ZDHHC7: variants seen among roughly 807,000 people sequenced by gnomAD.
The protein encoded by ZDHHC7 is zDHHC palmitoyltransferase 7.
ZDHHC7 carries 12 observed loss-of-function variants against 34.1 expected under a neutral mutation model. The observed-to-expected ratio is 0.35, with a 90% CI of 0.23 to 0.57. The LOEUF (loss-of-function observed/expected upper bound fraction) is 0.57, where lower values mean the gene tolerates loss of function less well. ZDHHC7 is among the 20% of genes least tolerant of loss of function. The pLI is 0.84. For missense variants in ZDHHC7, 388 were observed against 402.7 expected (o/e 0.96, Z 0.31); for synonymous variants, 185 against 155.4 (o/e 1.19, Z -1.42).
chr16:85,007,277 G>A lies in ZDHHC7; in HGVS notation c.-104+4009C>T, dbSNP rs137966003. Among the ~76,000 whole-genome samples the A allele has an allele frequency of 1.3e-3, 201 of 151,840 alleles. 2 individuals are homozygous for A. The highest frequency in any genetic ancestry group is 2.2e-3 in the Non-Finnish European group (150 of 68,002). ...CGTCTCTACAAAAATACAAAAATTA[G>A]CCGGGCATGATGGTGGGTGCCTGTA... is the stretch of plus-strand genomic sequence containing the variant. On this transcript the variant is annotated intron_variant, in intron 1 of 7. Transcript: ENST00000313732.
Position 84,978,579 on chromosome 16 carries a change from A to G in ZDHHC7, c.538-574T>C, listed in dbSNP as rs183003979. Among the ~76,000 whole-genome samples, 258 of 152,164 alleles carry G rather than the reference A, an allele frequency of 1.7e-3. 4 individuals carry two copies. Among genetic ancestry groups the G allele is most frequent in the Admixed American group, 0.016 (250 of 15,266 alleles). ...CAAAACCCCGTCTATAAAAAAATAA[A>G]CGGCCGGGCACGGTGGCTCACGACT... is the stretch of plus-strand genomic sequence containing the variant. On this transcript the variant is annotated intron_variant, in intron 5 of 7. Coordinates refer to ENST00000313732, the MANE Select transcript of ZDHHC7 (RefSeq NM_017740.3).
At chr16:85,023,914 C>T in the ZDHHC7 span, among the ~76,000 whole-genome samples, 1 of 151,818 alleles carries the variant, frequency 6.6e-6, no homozygotes, top group Non-Finnish European at 1.5e-5. Flanking sequence ...TCACACCCAA[C>T]CTATTCAAAG....
the ZDHHC7 span, among the ~76,000 whole-genome samples, chr16:85,023,436 A>C: frequency 2.0e-5 from 3 of 152,016 alleles, no homozygotes; most frequent in African/African-American, 4.8e-5. Flanking sequence ...AAGTGCTGGG[A>C]TTACAGGCAT....
At chr16:85,012,622 G>A (rs186144146), upstream of ZDHHC7, among the ~76,000 whole-genome samples, 542 of 152,098 alleles carry the variant, frequency 3.6e-3, 12 homozygotes, top group Admixed American at 0.027. Flanking sequence ...ACCAGAATAA[G>A]GCCAGGTGTG....
rs142763634 is a variant in ZDHHC7 at position 85,002,681 on chromosome 16, C to G, written c.-103-6674G>C. ...GACATTAAGGAAAAGCTGAGGAAATCTGAATCAAGTGTGAATTTTATCGAT... is the reference window on the plus strand; with the variant it reads ...GACATTAAGGAAAAGCTGAGGAAATGTGAATCAAGTGTGAATTTTATCGAT... On this transcript the variant is annotated intron_variant, in intron 1 of 7. Transcript: ENST00000313732. 9.9e-5 allele frequency among the ~76,000 whole-genome samples: 15 copies of G among 152,092 alleles called. No individual in the cohort carries two copies. In the East Asian group the frequency reaches 1.2e-3, roughly 12 times the overall value.
chr16:84,996,666 A>G (rs11645646), intron 1 of ZDHHC7, among the ~76,000 whole-genome samples: 70,484 of 151,900 alleles, frequency 0.46, 20,035 homozygotes, highest in African/African-American at 0.81. Flanking sequence ...TCCCTAAGTC[A>G]GGGGCCACAG....
the ZDHHC7 span, among the ~76,000 whole-genome samples, chr16:85,019,035 G>C: frequency 6.6e-6 from 1 of 152,192 alleles, no homozygotes; most frequent in Non-Finnish European, 1.5e-5. Context: ...ATTGGAGGTA[G>C]GGTGCTTGGC....
At chr16:85,022,000 CA>C in the ZDHHC7 span, among the ~76,000 whole-genome samples, 6 of 143,492 alleles carry the variant, frequency 4.2e-5, no homozygotes, top group Non-Finnish European at 6.1e-5. Context: ...ACTAAAAATA[CA>C]AAAAAAAAAT....
At chr16:84,989,136 G>C (rs1278878156) in intron 3 of ZDHHC7, among the ~76,000 whole-genome samples, 1 of 152,214 alleles carries the variant, frequency 6.6e-6, no homozygotes, top group East Asian at 1.9e-4. Context: ...TATGGTCAAA[G>C]ACTCCACCAT....
chr16:84,992,766 AATGTTCT>A lies in ZDHHC7; in HGVS notation c.-17-2138_-17-2132del, dbSNP rs1299368546. ...AATGTGAATAAAGGAGTGTAGTAAG[AATGTTCT>A]CAGAGGTCAGGTCACTACAACTGAG... On this transcript the variant is annotated intron_variant, in intron 2 of 7. Transcript: ENST00000313732. Among the ~76,000 whole-genome samples the A allele has an allele frequency of 2.6e-5, 4 of 152,274 alleles. No homozygotes were observed. In the East Asian group the frequency reaches 7.7e-4, roughly 29 times the overall value.
At chr16:85,015,070 C>T (rs993388674), upstream of ZDHHC7, among the ~76,000 whole-genome samples, 1 of 151,476 alleles carries the variant, frequency 6.6e-6, no homozygotes, top group Middle Eastern at 3.2e-3. Context: ...CAATGTGAAG[C>T]CTCCAAGTAG....
chr16:85,000,055 G>A (rs956666807), intron 1 of ZDHHC7, among the ~76,000 whole-genome samples: 5 of 151,894 alleles, frequency 3.3e-5, no homozygotes, highest in Non-Finnish European at 5.9e-5. Context: ...CAGGAGGATC[G>A]CTTGAGTCTC....
At chr16:85,008,807 A>C (rs73258114) in intron 1 of ZDHHC7, among the ~76,000 whole-genome samples, 25,929 of 151,818 alleles carry the variant, frequency 0.17, 3,143 homozygotes, top group East Asian at 0.33. Context: ...CCATTCTGGG[A>C]GGCTGAGGCA....
At chr16:85,007,337 C>G (rs1056497609) in intron 1 of ZDHHC7, among the ~76,000 whole-genome samples, 1 of 150,700 alleles carries the variant, frequency 6.6e-6, no homozygotes, top group African/African-American at 2.5e-5. Context: ...GCAGGAGAAC[C>G]GCTTGAACCT....
chr16:85,008,634 T>C (rs2072749029), intron 1 of ZDHHC7, among the ~76,000 whole-genome samples: 1 of 152,048 alleles, frequency 6.6e-6, no homozygotes, highest in South Asian at 2.1e-4. Context: ...TCTCAGATGT[T>C]ACAACCGAAG....
At chr16:84,980,743 T>A (rs2072357196) in intron 4 of ZDHHC7, among the ~76,000 whole-genome samples, 1 of 152,210 alleles carries the variant, frequency 6.6e-6, no homozygotes, top group Non-Finnish European at 1.5e-5. Flanking sequence ...TTTTATTCTA[T>A]CTGCAGAGTT....
intron 3 of ZDHHC7, among the ~76,000 whole-genome samples, chr16:84,988,495 C>A (rs575476936): frequency 5.9e-5 from 9 of 152,302 alleles, no homozygotes; most frequent in Admixed American, 5.9e-4. Flanking sequence ...AGTAATACAA[C>A]AAGCAAAAGA....
chr16:84,982,023 T>C, intron 3 of ZDHHC7, 29 bp from the exon 4 acceptor site: 1 of 1,613,120 alleles, frequency 6.2e-7, no homozygotes, highest in South Asian at 1.1e-5. Context: ...GTACTTTAGT[T>C]GGGGAGAATG....
At chr16:84,978,125 C>T in intron 5 of ZDHHC7, 120 bp from the exon 6 acceptor site, 2 of 657,234 alleles carry the variant, frequency 3.0e-6, no homozygotes, top group Middle Eastern at 4.4e-4. Flanking sequence ...GCAACCTCCG[C>T]CTGCCAGACT....
Sources: gnomAD v4.1 joint callset for allele counts (sites outside exome capture counted in the v4.1 genomes callset) on GRCh38, gnomAD v4.1.1 for gene constraint, MANE v1.5 for transcripts, NCBI Gene and HGNC (gene_info 2026-07-23, HGNC 2026-07-21) for gene names.